RBBP7: variants seen among roughly 807,000 people sequenced by gnomAD.
RBBP7 encodes the protein histone-binding protein RBBP7.
Under a neutral mutation model 35.2 loss-of-function variants are expected in RBBP7, and 5 were observed. The observed-to-expected ratio is 0.14, with a 90% CI of 0.07 to 0.30. RBBP7 has a LOEUF of 0.30. Among genes scored for constraint, RBBP7 ranks in the 10% least tolerant of loss-of-function variants. The probability of loss-of-function intolerance (pLI) is 1.00; values close to 1 mark genes in which losing one functional copy is unlikely to be tolerated. For synonymous variants in RBBP7, 140 were observed against 118.7 expected (o/e 1.18, Z -1.17); for missense variants, 155 against 327.5 (o/e 0.47, Z 4.07).
Position 16,848,907 on chromosome X carries a change from G to C in RBBP7, c.1098+337C>G, listed in dbSNP as rs188696291. 1.9e-5 allele frequency: 3 copies of C among 157,093 alleles called. No individual in the cohort carries two copies. In the East Asian group the frequency reaches 4.3e-4, roughly 22 times the overall value. 12.9% of individuals were successfully genotyped at this position (157,093 alleles called of 1,213,427 possible). Reference sequence around the variant, plus strand: ...AAGCATTTAAAATTTTTTCTATACTGTTAGGAAATGTTAAGTACTGCCAAC... The same window carrying C: ...AAGCATTTAAAATTTTTTCTATACTCTTAGGAAATGTTAAGTACTGCCAAC... On this transcript the variant is annotated intron_variant, in intron 10 of 11. Transcript: ENST00000380087.
intron 10 of RBBP7, chrX:16,846,438 T>A (rs1172370540): frequency 9.0e-6 from 1 of 111,670 alleles, no homozygotes; most frequent in Non-Finnish European, 1.9e-5. Context: ...TCTTCCCCTC[T>A]CCACTTTACT....
intron 9 of RBBP7, 27 bp from the exon 10 acceptor site, chrX:16,849,328 T>C: frequency 8.5e-7 from 1 of 1,172,446 alleles, no homozygotes; most frequent in Non-Finnish European, 1.2e-6. Context: ...TATAACGCTT[T>C]CATCAGTGAA....
chrX:16,856,735 T>G (rs1930363506), intron 5 of RBBP7, among the ~76,000 whole-genome samples: 1 of 111,826 alleles, frequency 8.9e-6, no homozygotes, highest in Non-Finnish European at 1.9e-5. Context: ...GAAAGCCACT[T>G]TGGAAAACAG....
intron 2 of RBBP7, among the ~76,000 whole-genome samples, chrX:16,868,255 T>G (rs369516720): frequency 5.5e-4 from 61 of 111,579 alleles, no homozygotes; most frequent in African/African-American, 2.0e-3. Flanking sequence ...ACCCCATATT[T>G]AATACACTTT....
At chrX:16,850,164 T>G (rs755434905) in intron 9 of RBBP7, among the ~76,000 whole-genome samples, 3 of 112,449 alleles carry the variant, frequency 2.7e-5, no homozygotes, top group Non-Finnish European at 5.6e-5. Context: ...GTCAGTATAG[T>G]TGCTAAAACT....
Position 16,844,971 on chromosome X carries a change from C to T in RBBP7, c.*64G>A, listed in dbSNP as rs1479233451. On this transcript the variant is annotated 3_prime_UTR_variant, in exon 12 of 12. Transcript: ENST00000380087. ...TTCCTACTATACAATGCCTTTTTGG[C>T]GCTTGATAAATCAAGCATTCATGTA... The T allele has an allele frequency of 1.5e-5, 16 of 1,042,812 alleles. No homozygotes were observed. The East Asian group carries it at 1.8e-4, about 12-fold the overall frequency. The allele number at this position is 1,042,812 out of a possible 1,213,427, so 85.9% of individuals were successfully genotyped here. A position where few individuals can be genotyped will look rare whatever the true frequency, so the allele number is the denominator to read the frequency against.
At chrX:16,852,687 T>C in intron 7 of RBBP7, 59 bp from the exon 8 acceptor site, 2 of 1,208,796 alleles carry the variant, frequency 1.7e-6, no homozygotes, top group African/African-American at 1.7e-5. Flanking sequence ...TTTTCAAATA[T>C]CTGATTAAGG....
intron 1 of RBBP7, 164 bp from the exon 2 acceptor site, chrX:16,869,384 A>T (rs776238901): frequency 8.5e-5 from 90 of 1,055,625 alleles, no homozygotes; most frequent in Admixed American, 4.7e-4. Context: ...AAATACTAAC[A>T]ATCAGGAAGC....
intron 3 of RBBP7, 96 bp from the exon 4 acceptor site, chrX:16,858,945 A>C: frequency 9.1e-7 from 1 of 1,096,272 alleles, no homozygotes; most frequent in Non-Finnish European, 1.2e-6. Flanking sequence ...GACCTGGCAG[A>C]ATACAACACA....
intron 2 of RBBP7, among the ~76,000 whole-genome samples, chrX:16,866,612 T>C (rs1339076941): frequency 9.3e-6 from 1 of 107,250 alleles, no homozygotes; most frequent in Admixed American, 1.0e-4. Context: ...AATCAATTAT[T>C]TGGACAATTA....
chrX:16,868,588 C>G (rs1345060569), intron 2 of RBBP7, among the ~76,000 whole-genome samples: 1 of 112,405 alleles, frequency 8.9e-6, no homozygotes, highest in Non-Finnish European at 1.9e-5. Context: ...AAAGTGTATT[C>G]CATAAGCCGA....
chrX:16,869,424 T>C (rs1294113514), intron 1 of RBBP7: 4 of 1,122,066 alleles, frequency 3.6e-6, no homozygotes, highest in Middle Eastern at 2.4e-4. Context: ...CAATACCCCC[T>C]GCGTACACCA....
chrX:16,864,026 AT>A (rs59133449), intron 2 of RBBP7, among the ~76,000 whole-genome samples: 4,668 of 103,751 alleles, frequency 0.045, 236 homozygotes, highest in African/African-American at 0.13. Context: ...AAAGGATTCA[AT>A]TTTTTTTTTT....
intron 3 of RBBP7, among the ~76,000 whole-genome samples, chrX:16,862,144 G>A (rs1306025996): frequency 9.0e-6 from 1 of 111,397 alleles, no homozygotes; most frequent in African/African-American, 3.3e-5. Flanking sequence ...GACACATCCT[G>A]TGTGGCCTTG....
At chrX:16,864,526 CAA>C (rs61357554) in intron 2 of RBBP7, among the ~76,000 whole-genome samples, 8 of 26,235 alleles carry the variant, frequency 3.0e-4, no homozygotes, top group African/African-American at 8.3e-4. Context: ...ACTCCGTCTC[CAA>C]AAAAAAAAAA....
intron 11 of RBBP7, 68 bp downstream of exon 11, chrX:16,845,760 A>G: frequency 8.8e-7 from 1 of 1,142,685 alleles, no homozygotes; most frequent in Non-Finnish European, 1.2e-6. Context: ...AAATAACTTT[A>G]TTACATTATG....
chrX:16,849,039 C>T (rs999942305), intron 10 of RBBP7: 2 of 351,280 alleles, frequency 5.7e-6, no homozygotes, highest in African/African-American at 5.3e-5. Flanking sequence ...AAACCATTCT[C>T]AGTGAAACAT....
In RBBP7 at chrX:16,863,852, G is replaced by A. The variant is rs370363660; in HGVS notation, c.162-752C>T. Among the ~76,000 whole-genome samples the A allele has an allele frequency of 3.6e-5, 4 of 111,242 alleles. No homozygotes were observed. In the South Asian group the frequency reaches 1.1e-3, roughly 31 times the overall value. On this transcript the variant is annotated intron_variant, in intron 2 of 11. Coordinates refer to ENST00000380087, the MANE Select transcript of RBBP7 (RefSeq NM_002893.4). ...CACCTTGGTCCGAGCAGTGATTTTT[G>A]CATCAGTATCTATTAAAAAGGCTTT...
Position 16,849,238 on chromosome X carries a change from G to A in RBBP7, c.1098+6C>T, listed in dbSNP as rs1474769433. ...GACATTTCATCTTCTATAAGCCAAT[G>A]CGTACCAGGAGTTCTGGAGGCCCAT... On this transcript the variant is annotated splice_donor_region_variant and intron_variant, in intron 10 of 11. Transcript: ENST00000380087. 1.7e-6 allele frequency: 2 copies of A among 1,205,451 alleles called. No individual in the cohort carries two copies. The highest frequency in any genetic ancestry group is 3.5e-5 in the African/African-American group (2 of 57,169).
Sources: allele counts gnomAD v4.1 joint callset (sites outside exome capture counted in the v4.1 genomes callset), GRCh38; gene constraint gnomAD v4.1.1; transcripts MANE v1.5; gene names NCBI Gene and HGNC (gene_info 2026-07-23, HGNC 2026-07-21).